The following HDAC8 variants were observed in gnomAD, a reference collection of about 807,000 sequenced individuals.
The protein encoded by HDAC8 is histone deacetylase 8.
In HDAC8, 1 loss-of-function variant was observed where a neutral mutation model predicts 32.2. The ratio of observed to expected loss-of-function variants is 0.03; its 90% confidence interval spans 0.01 to 0.15. The LOEUF is 0.15. HDAC8 is among the 10% of genes least tolerant of loss of function. The pLI is 1.00. For synonymous variants in HDAC8, 108 were observed against 113.9 expected (o/e 0.95, Z 0.33); for missense variants, 117 against 300.0 (o/e 0.39, Z 4.51).
chrX:72,427,122 A>G (rs1173515802), intron 9 of HDAC8, among the ~76,000 whole-genome samples: 1 of 110,993 alleles, frequency 9.0e-6, no homozygotes, highest in African/African-American at 3.3e-5. Flanking sequence ...AGATTACTAT[A>G]CCACGTATCA....
rs782054429 is a variant in HDAC8, at chrX:72,559,538, G to A, written c.437+8351C>T. Reference sequence around the variant, plus strand: ...GTCTCTGCCTGGCCGCCCATCGTCTGGGATGTGAGGAGCCCCTCTGCCCCG... The same window carrying A: ...GTCTCTGCCTGGCCGCCCATCGTCTAGGATGTGAGGAGCCCCTCTGCCCCG... On this transcript the variant is annotated intron_variant, in intron 4 of 10. Transcript: ENST00000373573. 4.6e-5 allele frequency among the ~76,000 whole-genome samples: 5 copies of A among 109,360 alleles called. No homozygotes were observed. In the South Asian group the frequency reaches 2.1e-3, roughly 45 times the overall value. 95.0% of individuals were successfully genotyped at this position (109,360 alleles called of 115,157 possible).
intron 4 of HDAC8, among the ~76,000 whole-genome samples, chrX:72,542,239 G>A (rs2050730827): frequency 1.8e-5 from 2 of 112,195 alleles, no homozygotes; most frequent in South Asian, 7.4e-4. Context: ...GTGAGAATGG[G>A]TAGAGTGATC....
At chrX:72,440,387 C>T (rs782591724) in intron 9 of HDAC8, among the ~76,000 whole-genome samples, 30 of 111,168 alleles carry the variant, frequency 2.7e-4, no homozygotes, top group Non-Finnish European at 4.7e-4. Flanking sequence ...GATCTAAAAT[C>T]GACACCCTAA....
intron 9 of HDAC8, among the ~76,000 whole-genome samples, chrX:72,400,228 T>C (rs1402107294): frequency 1.8e-5 from 2 of 111,809 alleles, no homozygotes; most frequent in African/African-American, 6.5e-5. Context: ...TCTTTGGTGA[T>C]CTCATCCATA....
chrX:72,482,608 G>T (rs1342415467), intron 7 of HDAC8, among the ~76,000 whole-genome samples: 1 of 110,883 alleles, frequency 9.0e-6, no homozygotes, highest in African/African-American at 3.3e-5. Flanking sequence ...ATTTTGGGGG[G>T]GGGGATTTTC....
chrX:72,418,997 T>A (rs1555972702), intron 9 of HDAC8, among the ~76,000 whole-genome samples: 1 of 111,980 alleles, frequency 8.9e-6, no homozygotes, highest in Non-Finnish European at 1.9e-5. Context: ...GGTTTATATG[T>A]CTATCCTTAT....
At chrX:72,527,020 C>A (rs2050173669) in intron 4 of HDAC8, among the ~76,000 whole-genome samples, 1 of 111,405 alleles carries the variant, frequency 9.0e-6, no homozygotes, top group Admixed American at 9.5e-5. Context: ...GTGTCACTTC[C>A]CTGCTTAATG....
rs782426580 is a variant in HDAC8, at chrX:72,451,884, T to C, written c.1005+10120A>G. Among the ~76,000 whole-genome samples the C allele has an allele frequency of 1.8e-4, 20 of 112,332 alleles. No individual in the cohort carries two copies. The South Asian group carries it at 6.9e-3, about 39-fold the overall frequency. The stretch of plus-strand genomic sequence containing the variant: ...GAACCCTACTTTCACCCAGGCTTTC[T>C]ACCTGGAAGTAATCCCTGGACTGTG... On this transcript the variant is annotated intron_variant, in intron 9 of 10. Coordinates refer to ENST00000373573, the MANE Select transcript of HDAC8 (RefSeq NM_018486.3).
chrX:72,567,215 G>T (rs1485011029), intron 4 of HDAC8, among the ~76,000 whole-genome samples: 1 of 112,019 alleles, frequency 8.9e-6, no homozygotes, highest in Non-Finnish European at 1.9e-5. Context: ...AAGCACCTAG[G>T]AAGAGCCTTT....
chrX:72,399,715 A>T (rs182206893), intron 9 of HDAC8, among the ~76,000 whole-genome samples: 134 of 112,211 alleles, frequency 1.2e-3, no homozygotes, highest in African/African-American at 4.2e-3. Flanking sequence ...GCATGAAGAC[A>T]CTGTGCCTGG....
At chrX:72,464,004 G>A (rs1315477005) in intron 8 of HDAC8, among the ~76,000 whole-genome samples, 2 of 111,827 alleles carry the variant, frequency 1.8e-5, no homozygotes, top group African/African-American at 6.5e-5. Context: ...TTTTGGCTAA[G>A]TAATACAAAT....
At chrX:72,546,924 C>T (rs1231092631) in intron 4 of HDAC8, among the ~76,000 whole-genome samples, 1 of 111,442 alleles carries the variant, frequency 9.0e-6, no homozygotes, top group African/African-American at 3.3e-5. Context: ...TTTCATATTT[C>T]CAATATTTCC....
rs1389411819 is a variant in HDAC8 at position 72,534,315 on chromosome X, A to AT, written c.437+33573dup. Among the ~76,000 whole-genome samples, 1,204 of 94,011 alleles carry AT rather than the reference A, an allele frequency of 0.013. 77 individuals are homozygous for AT. The East Asian group carries it at 0.22, about 17-fold the overall frequency. 81.6% of individuals were successfully genotyped at this position (94,011 alleles called of 115,157 possible). A position where few individuals can be genotyped will look rare whatever the true frequency, so the allele number is the denominator to read the frequency against. On this transcript the variant is annotated intron_variant, in intron 4 of 10. Transcript: ENST00000373573. ...TATATATATGTGTATATATATATAT[A>AT]TTTTTTTTTTTTTGAGAAAGTCTCA... is the stretch of plus-strand genomic sequence containing the variant.
chrX:72,468,329 T>C (rs2048077012), intron 7 of HDAC8, among the ~76,000 whole-genome samples: 1 of 111,332 alleles, frequency 9.0e-6, no homozygotes, highest in African/African-American at 3.3e-5. Flanking sequence ...CTAGTCATGA[T>C]GGCAGCAGGA....
chrX:72,355,525 TG>T (rs1555950446), intron 9 of HDAC8, among the ~76,000 whole-genome samples: 1 of 111,491 alleles, frequency 9.0e-6, no homozygotes, highest in African/African-American at 3.3e-5. Flanking sequence ...AAGTATGAGA[TG>T]GGGCAGAGGG....
chrX:72,375,626 G>C (rs2045040999), intron 9 of HDAC8, among the ~76,000 whole-genome samples: 1 of 111,004 alleles, frequency 9.0e-6, no homozygotes, highest in Non-Finnish European at 1.9e-5. Flanking sequence ...GGGAGGAAGA[G>C]AGAGAGATAA....
At chrX:72,460,020 A>T (rs2148034573) in intron 9 of HDAC8, among the ~76,000 whole-genome samples, 1 of 112,444 alleles carries the variant, frequency 8.9e-6, no homozygotes, top group South Asian at 3.7e-4. Flanking sequence ...CTCTTAAACC[A>T]GAAGGATATG....
At chrX:72,376,575 T>C (rs1366405750) in intron 9 of HDAC8, among the ~76,000 whole-genome samples, 2 of 110,797 alleles carry the variant, frequency 1.8e-5, no homozygotes, top group African/African-American at 6.6e-5. Flanking sequence ...CATGCCACCA[T>C]GTCTGGCTGA....
At chrX:72,512,815 T>C (rs1482113746) in intron 4 of HDAC8, among the ~76,000 whole-genome samples, 1 of 110,954 alleles carries the variant, frequency 9.0e-6, no homozygotes, top group Non-Finnish European at 1.9e-5. Context: ...AGCCTCTCAG[T>C]AGGTCCCCAT....
Sources: gnomAD v4.1 joint callset for allele counts (sites outside exome capture counted in the v4.1 genomes callset) on GRCh38, gnomAD v4.1.1 for gene constraint, MANE v1.5 for transcripts, NCBI Gene and HGNC (gene_info 2026-07-23, HGNC 2026-07-21) for gene names.